Variants in ROBO2 observed in about 807,000 individuals in gnomAD.
The protein encoded by ROBO2 is roundabout homolog 2.
Under a neutral mutation model 160.8 loss-of-function variants are expected in ROBO2, and 53 were observed. That is an observed-to-expected ratio of 0.33 (90% confidence interval 0.26 to 0.41). The LOEUF is 0.41. Among genes scored for constraint, ROBO2 ranks in the 10% least tolerant of loss-of-function variants. The pLI is 1.00. For missense variants in ROBO2, 1,577 were observed against 1,722.4 expected (o/e 0.92, Z 1.49); for synonymous variants, 664 against 611.7 (o/e 1.09, Z -1.26).
intron 2 of ROBO2, among the ~76,000 whole-genome samples, chr3:76,595,987 G>C (rs1042823693): frequency 5.9e-5 from 9 of 152,040 alleles, no homozygotes; most frequent in African/African-American, 2.2e-4. Flanking sequence ...CTGGCTCATG[G>C]TGTAACATAC....
At chr3:76,858,569 A>G (rs2070390864) in intron 2 of ROBO2, among the ~76,000 whole-genome samples, 2 of 152,186 alleles carry the variant, frequency 1.3e-5, no homozygotes, top group South Asian at 2.1e-4. Flanking sequence ...TGGTCAGTAA[A>G]TAGCTTTTAA....
At position 77,180,416 on chromosome 3, in the gene ROBO2, C is replaced by CTCTATATATATATA. The variant is rs1433740534; in HGVS notation, c.388+82077_388+82078insCTATATATATATAT. Among the ~76,000 whole-genome samples, 58 of 90,716 alleles carry CTCTATATATATATA rather than the reference C, an allele frequency of 6.4e-4. 1 individual carries two copies. The highest frequency in any genetic ancestry group is 1.7e-3 in the Admixed American group (13 of 7,530). The allele number at this position is 90,716 out of a possible 152,430, so 59.5% of individuals were successfully genotyped here. On this transcript the variant is annotated intron_variant, in intron 2 of 25. Transcript: ENST00000461745. ...TCTCTCTCTCTCTCTCTCTCTCTCT[C>CTCTATATATATATA]TATATATATATATATGTATTTTTTT...
At chr3:76,592,832 G>A (rs2086501407) in intron 2 of ROBO2, among the ~76,000 whole-genome samples, 1 of 151,990 alleles carries the variant, frequency 6.6e-6, no homozygotes, top group Non-Finnish European at 1.5e-5. Context: ...ACTCATTCCT[G>A]TGGTTCTAGG....
At chr3:77,639,659 G>A (rs961362768) in intron 24 of ROBO2, among the ~76,000 whole-genome samples, 1 of 152,154 alleles carries the variant, frequency 6.6e-6, no homozygotes, top group Admixed American at 6.5e-5. Context: ...TACGAAGTCA[G>A]GCAAGCAAAC....
intron 9 of ROBO2, among the ~76,000 whole-genome samples, chr3:77,561,664 A>T (rs563552353): frequency 6.6e-6 from 1 of 152,244 alleles, no homozygotes; most frequent in Non-Finnish European, 1.5e-5. Flanking sequence ...ATTATGATAT[A>T]TTTATGTTCC....
chr3:76,197,875 A>T (rs192721949), intron 2 of ROBO2, among the ~76,000 whole-genome samples: 14 of 152,314 alleles, frequency 9.2e-5, no homozygotes, highest in Admixed American at 5.9e-4. Flanking sequence ...GGGTGAGAAA[A>T]TATCTTAAAT....
intron 2 of ROBO2, among the ~76,000 whole-genome samples, chr3:76,275,957 G>C (rs1487444982): frequency 6.6e-6 from 1 of 151,942 alleles, no homozygotes; most frequent in Non-Finnish European, 1.5e-5. Context: ...TTTTTTAATG[G>C]ATGTTTTCAT....
chr3:76,032,975 A>G (rs2066976700), intron 2 of ROBO2, among the ~76,000 whole-genome samples: 2 of 152,186 alleles, frequency 1.3e-5, no homozygotes, highest in Admixed American at 1.3e-4. Context: ...AATGTGTGAT[A>G]TACTAAAGAA....
intron 2 of ROBO2, among the ~76,000 whole-genome samples, chr3:77,387,301 A>C (rs2074231438): frequency 6.7e-6 from 1 of 150,284 alleles, no homozygotes; most frequent in Non-Finnish European, 1.5e-5. Context: ...CCAGGAGTTC[A>C]AGAACAACCT....
At chr3:77,293,274 G>C (rs566866421) in intron 2 of ROBO2, among the ~76,000 whole-genome samples, 1 of 151,550 alleles carries the variant, frequency 6.6e-6, no homozygotes, top group East Asian at 2.0e-4. Flanking sequence ...GTAAGCTGAG[G>C]CTAGATCACC....
chr3:77,067,762 G>A (rs1188920406), intron 1 of ROBO2, among the ~76,000 whole-genome samples: 1 of 152,132 alleles, frequency 6.6e-6, no homozygotes, highest in Admixed American at 6.6e-5. Flanking sequence ...GAAAATAGAT[G>A]AGAAAACCAT....
intron 2 of ROBO2, among the ~76,000 whole-genome samples, chr3:77,460,450 A>G (rs777910152): frequency 2.1e-4 from 32 of 152,212 alleles, no homozygotes; most frequent in Middle Eastern, 3.4e-3. Flanking sequence ...GCATTTTGGG[A>G]TCATCAGCAT....
At chr3:76,394,990 C>T (rs2077355640) in intron 2 of ROBO2, among the ~76,000 whole-genome samples, 1 of 152,168 alleles carries the variant, frequency 6.6e-6, no homozygotes, top group Non-Finnish European at 1.5e-5. Flanking sequence ...TAGACATCTA[C>T]AGAACTCTCC....
chr3:77,056,987 A>T (rs996709720), intron 1 of ROBO2, among the ~76,000 whole-genome samples: 6 of 152,214 alleles, frequency 3.9e-5, no homozygotes, highest in African/African-American at 1.4e-4. Context: ...ATTATCAATC[A>T]TGCTGCTATA....
Position 77,526,598 on chromosome 3 carries a change from G to A in ROBO2, c.934+3696G>A, listed in dbSNP as rs1363210162. Among the ~76,000 whole-genome samples the A allele has an allele frequency of 2.0e-5, 3 of 151,462 alleles. No homozygotes were observed. In the East Asian group the frequency reaches 5.8e-4, roughly 29 times the overall value. ...AGCGTGTTATTCATTTTTAAAAAAGGATTATGAAGCCCATGTGTATCTCTT... is the reference window on the plus strand; with the variant it reads ...AGCGTGTTATTCATTTTTAAAAAAGAATTATGAAGCCCATGTGTATCTCTT... On this transcript the variant is annotated intron_variant, in intron 6 of 25. Transcript: ENST00000461745.
At chr3:76,293,199 C>T (rs1329445546) in intron 2 of ROBO2, among the ~76,000 whole-genome samples, 1 of 152,140 alleles carries the variant, frequency 6.6e-6, no homozygotes, top group East Asian at 1.9e-4. Context: ...CCCGAAAGGT[C>T]TCAGTAGTCA....
Position 76,013,103 on chromosome 3 carries a change from G to A in ROBO2, c.109+75501G>A, listed in dbSNP as rs61651266. 6.6e-3 allele frequency among the ~76,000 whole-genome samples: 954 copies of A among 144,868 alleles called. 10 individuals carry two copies. Among genetic ancestry groups the A allele is most frequent in the African/African-American group, 0.022 (859 of 38,806 alleles). ...ATAAAGGCAATTGGAGGCTGGGCAC[G>A]GTGGCTTATGCGTGTAATCCCAGAA... On this transcript the variant is annotated intron_variant, in intron 2 of 26. Transcript: ENST00000487694.
At chr3:76,570,205 T>G (rs1003800321) in intron 2 of ROBO2, among the ~76,000 whole-genome samples, 14 of 152,168 alleles carry the variant, frequency 9.2e-5, no homozygotes, top group Admixed American at 1.3e-4. Flanking sequence ...TGATAGCCAT[T>G]GGATAGTTCT....
At chr3:77,104,257 A>T (rs898822274) in intron 2 of ROBO2, among the ~76,000 whole-genome samples, 1 of 152,210 alleles carries the variant, frequency 6.6e-6, no homozygotes, top group East Asian at 1.9e-4. Flanking sequence ...ATGCTAATCT[A>T]CTTTCTATAG....
Sources: gnomAD v4.1 joint callset for allele counts (sites outside exome capture counted in the v4.1 genomes callset) on GRCh38, gnomAD v4.1.1 for gene constraint, MANE v1.5 for transcripts, NCBI Gene and HGNC (gene_info 2026-07-23, HGNC 2026-07-21) for gene names.